The following RPS6KC1 variants were observed in gnomAD, a reference collection of about 807,000 sequenced individuals.
The protein encoded by RPS6KC1 is ribosomal protein S6 kinase C1.
A neutral mutation model predicts 103.8 loss-of-function variants in RPS6KC1; 54 were observed. The ratio of observed to expected loss-of-function variants is 0.52; its 90% CI spans 0.42 to 0.65. The LOEUF (loss-of-function observed/expected upper bound fraction) is 0.65, where lower values mean the gene tolerates loss of function less well. Ranked by LOEUF, RPS6KC1 falls within the 30% of genes least tolerant of loss-of-function variation. The pLI is 0.00. For missense variants in RPS6KC1, 1,151 were observed against 1,253.8 expected, an observed-to-expected ratio of 0.92 and a Z score of 1.24; for synonymous variants, 439 against 438.7, an observed-to-expected ratio of 1.00 and a Z score of -0.01.
chr1:213,512,989 T>G, the RPS6KC1 span, among the ~76,000 whole-genome samples: 1 of 152,218 alleles, frequency 6.6e-6, no homozygotes, highest in East Asian at 1.9e-4. Flanking sequence ...GATGAGCATG[T>G]CCTAATCCCT....
intron 8 of RPS6KC1, among the ~76,000 whole-genome samples, chr1:213,218,497 C>A (rs1169092452): frequency 6.6e-6 from 1 of 152,166 alleles, no homozygotes; most frequent in Non-Finnish European, 1.5e-5. Context: ...CAATGACTTT[C>A]TTCACAGAAT....
chr1:213,227,439 A>C, intron 8 of RPS6KC1, among the ~76,000 whole-genome samples: 1 of 152,248 alleles, frequency 6.6e-6, no homozygotes, highest in Non-Finnish European at 1.5e-5. Flanking sequence ...TTGGCAGCCT[A>C]TAACAACTAA....
chr1:213,457,705 T>C, the RPS6KC1 span, among the ~76,000 whole-genome samples: 12 of 152,334 alleles, frequency 7.9e-5, no homozygotes, highest in Admixed American at 4.6e-4. Flanking sequence ...ATAACTTAAT[T>C]GGCAACAGAA....
the RPS6KC1 span, among the ~76,000 whole-genome samples, chr1:213,783,083 T>C: frequency 6.6e-6 from 1 of 152,204 alleles, no homozygotes; most frequent in East Asian, 1.9e-4. Context: ...AGCCCCACCC[T>C]TTCAGGGGAA....
chr1:213,428,542 T>TC, the RPS6KC1 span, among the ~76,000 whole-genome samples: 4 of 70,734 alleles, frequency 5.7e-5, no homozygotes, highest in Non-Finnish European at 9.1e-5. Flanking sequence ...CTCTCTCTCT[T>TC]TCTTTCTTTC....
At chr1:213,602,022 TTCTTTC>T in the RPS6KC1 span, among the ~76,000 whole-genome samples, 1 of 30,108 alleles carries the variant, frequency 3.3e-5, no homozygotes, top group Non-Finnish European at 7.2e-5. Flanking sequence ...TTTTCTTTCT[TTCTTTC>T]TCTTTCTCTT....
the RPS6KC1 span, among the ~76,000 whole-genome samples, chr1:213,585,817 T>G: frequency 6.6e-6 from 1 of 151,976 alleles, no homozygotes; most frequent in Non-Finnish European, 1.5e-5. Context: ...ACACATGGCA[T>G]GGTATGGCAA....
the RPS6KC1 span, among the ~76,000 whole-genome samples, chr1:213,303,508 C>T: frequency 6.6e-6 from 1 of 151,882 alleles, no homozygotes. Context: ...CTGGTCTGTT[C>T]TCTCTGGTGG....
the RPS6KC1 span, among the ~76,000 whole-genome samples, chr1:213,294,466 A>G: frequency 3.3e-5 from 5 of 152,174 alleles, no homozygotes; most frequent in African/African-American, 7.2e-5. Flanking sequence ...AATGACTCCT[A>G]TTGGATGTGC....
At chr1:213,308,648 G>A in the RPS6KC1 span, among the ~76,000 whole-genome samples, 1 of 152,244 alleles carries the variant, frequency 6.6e-6, no homozygotes, top group East Asian at 1.9e-4. Context: ...TATTCTCTAA[G>A]TATTCATTAT....
chr1:213,787,210 G>C, the RPS6KC1 span, among the ~76,000 whole-genome samples: 29 of 152,088 alleles, frequency 1.9e-4, no homozygotes, highest in African/African-American at 6.0e-4. Flanking sequence ...TAGGTAGTAA[G>C]AAAGTTAAAT....
At chr1:213,337,708 T>C in the RPS6KC1 span, among the ~76,000 whole-genome samples, 2 of 152,212 alleles carry the variant, frequency 1.3e-5, no homozygotes, top group African/African-American at 2.4e-5. Context: ...ATACATCCAC[T>C]TACTCATTTA....
chr1:213,162,449 TA>T (rs577539513), intron 6 of RPS6KC1, among the ~76,000 whole-genome samples: 1 of 151,960 alleles, frequency 6.6e-6, no homozygotes, highest in Non-Finnish European at 1.5e-5. Context: ...CCTGGCGAAT[TA>T]AAAAAAATTT....
At chr1:213,801,481 A>G in the RPS6KC1 span, among the ~76,000 whole-genome samples, 6 of 152,184 alleles carry the variant, frequency 3.9e-5, no homozygotes, top group Admixed American at 2.0e-4. Context: ...AATACATATG[A>G]AGAAAGAAAG....
chr1:213,525,538 C>A, the RPS6KC1 span, among the ~76,000 whole-genome samples: 14 of 152,094 alleles, frequency 9.2e-5, no homozygotes, highest in African/African-American at 3.4e-4. Flanking sequence ...CTTAGATAAT[C>A]TTATCAGAGA....
the RPS6KC1 span, among the ~76,000 whole-genome samples, chr1:213,858,765 T>C: frequency 6.6e-6 from 1 of 152,162 alleles, no homozygotes; most frequent in Admixed American, 6.5e-5. Context: ...CATAACCAAA[T>C]GTTTTCTGAT....
chr1:213,732,216 A>T, the RPS6KC1 span, among the ~76,000 whole-genome samples: 2 of 152,170 alleles, frequency 1.3e-5, no homozygotes, highest in Non-Finnish European at 2.9e-5. Context: ...GCTACCCCTG[A>T]TGGGGAAGGA....
the RPS6KC1 span, among the ~76,000 whole-genome samples, chr1:213,833,040 T>C: frequency 2.6e-5 from 4 of 152,054 alleles, no homozygotes; most frequent in South Asian, 4.2e-4. Flanking sequence ...CGAAGACCCA[T>C]GTGGGGAAAC....
At chr1:213,568,559 A>G in the RPS6KC1 span, among the ~76,000 whole-genome samples, 1 of 152,226 alleles carries the variant, frequency 6.6e-6, no homozygotes, top group East Asian at 1.9e-4. Context: ...ACCAACAGGT[A>G]AGGGAACTAC....
Sources: gnomAD v4.1 joint callset for allele counts (sites outside exome capture counted in the v4.1 genomes callset) on GRCh38, gnomAD v4.1.1 for gene constraint, MANE v1.5 for transcripts, NCBI Gene and HGNC (gene_info 2026-07-23, HGNC 2026-07-21) for gene names.